Variants in INSL6 observed in about 807,000 individuals in gnomAD.
INSL6 encodes the protein insulin-like peptide INSL6.
Under a neutral mutation model 9.4 loss-of-function variants are expected in INSL6, and 16 were observed. The observed-to-expected ratio is 1.70, with a 90% CI of 1.15 to 2.59. The LOEUF (loss-of-function observed/expected upper bound fraction) is 2.59. Ranked by LOEUF, INSL6 falls within the 30% of genes most tolerant of loss-of-function variation. The pLI, the probability that INSL6 is intolerant of heterozygous loss-of-function variation, is 0.00. For synonymous variants in INSL6, 154 were observed against 96.9 expected (o/e 1.59, Z -3.46); for missense variants, 391 against 257.3 (o/e 1.52, Z -3.56).
chr9:5,113,393 T>C, the INSL6 span, among the ~76,000 whole-genome samples: 2 of 148,706 alleles, frequency 1.3e-5, no homozygotes, highest in East Asian at 3.9e-4. Flanking sequence ...CGTAATTTTT[T>C]TTAAGGAAAA....
At chr9:5,180,950 CA>C (rs1255271671) in intron 1 of INSL6, among the ~76,000 whole-genome samples, 2 of 152,130 alleles carry the variant, frequency 1.3e-5, no homozygotes, top group Admixed American at 6.5e-5. Flanking sequence ...AAACTCTTAA[CA>C]AAAAACTTGA....
the INSL6 span, chr9:5,081,599 T>C: frequency 7.9e-6 from 5 of 635,690 alleles, no homozygotes; most frequent in Non-Finnish European, 1.1e-5. Context: ...TTGAAACTAT[T>C]TGAGTTTCCC....
At chr9:5,137,409 T>A (rs574911566) in intron 2 of INSL6, among the ~76,000 whole-genome samples, 1 of 152,306 alleles carries the variant, frequency 6.6e-6, no homozygotes, top group South Asian at 2.1e-4. Flanking sequence ...ATGGTATTGG[T>A]ATCAAAACAG....
At chr9:5,145,317 G>T (rs1824580744) in intron 2 of INSL6, among the ~76,000 whole-genome samples, 1 of 152,156 alleles carries the variant, frequency 6.6e-6, no homozygotes, top group African/African-American at 2.4e-5. Flanking sequence ...GGTTTCCACT[G>T]AGAGGTCCAC....
At chr9:5,047,413 T>C in the INSL6 span, among the ~76,000 whole-genome samples, 1 of 152,344 alleles carries the variant, frequency 6.6e-6, no homozygotes, top group African/African-American at 2.4e-5. Flanking sequence ...CAGTTTCCTC[T>C]GGGAATTAAT....
At chr9:5,026,165 C>A in the INSL6 span, among the ~76,000 whole-genome samples, 1 of 152,118 alleles carries the variant, frequency 6.6e-6, no homozygotes, top group African/African-American at 2.4e-5. Context: ...ATACTTAGAT[C>A]ATTTGCTCTT....
At chr9:5,102,115 C>T in the INSL6 span, among the ~76,000 whole-genome samples, 3 of 152,132 alleles carry the variant, frequency 2.0e-5, no homozygotes, top group South Asian at 6.2e-4. Flanking sequence ...GATGTTCAAA[C>T]CCATCGCAAG....
chr9:5,177,317 G>A (rs576057534), intron 1 of INSL6, among the ~76,000 whole-genome samples: 3 of 152,318 alleles, frequency 2.0e-5, no homozygotes, highest in Non-Finnish European at 2.9e-5. Flanking sequence ...GGAAAGTGGT[G>A]AGTGATTGTG....
At chr9:5,143,186 G>C (rs1411890076) in intron 2 of INSL6, among the ~76,000 whole-genome samples, 17 of 151,862 alleles carry the variant, frequency 1.1e-4, no homozygotes, top group Admixed American at 1.0e-3. Flanking sequence ...TTGGTATCAG[G>C]ATGATGCTGA....
chr9:5,114,418 G>A, the INSL6 span: 8 of 499,042 alleles, frequency 1.6e-5, no homozygotes, highest in South Asian at 1.4e-4. Flanking sequence ...TGGATCAAGG[G>A]GGAGACCTAC....
At chr9:5,069,730 T>G in the INSL6 span, among the ~76,000 whole-genome samples, 4 of 152,160 alleles carry the variant, frequency 2.6e-5, no homozygotes, top group African/African-American at 9.6e-5. Flanking sequence ...TAATTTTGAA[T>G]GTATGAAGTA....
chr9:5,146,334 G>A (rs994093178), intron 2 of INSL6, among the ~76,000 whole-genome samples: 1 of 152,148 alleles, frequency 6.6e-6, no homozygotes, highest in East Asian at 1.9e-4. Context: ...ACCAAGGTGT[G>A]GCAGCTGCAT....
intron 2 of INSL6, among the ~76,000 whole-genome samples, chr9:5,147,328 G>C (rs1484630729): frequency 6.6e-6 from 1 of 152,166 alleles, no homozygotes; most frequent in Non-Finnish European, 1.5e-5. Context: ...TCCTTGGGTC[G>C]ACTGCAGCTT....
the INSL6 span, among the ~76,000 whole-genome samples, chr9:5,088,786 T>C: frequency 2.0e-5 from 3 of 152,224 alleles, no homozygotes; most frequent in Non-Finnish European, 4.4e-5. Flanking sequence ...GAGAGATTGC[T>C]CTAATGTCTC....
At chr9:5,042,619 G>C in the INSL6 span, among the ~76,000 whole-genome samples, 1 of 118,092 alleles carries the variant, frequency 8.5e-6, no homozygotes, top group Non-Finnish European at 1.7e-5. Flanking sequence ...AGCTGCCCCC[G>C]TTAGCGTCAT....
chr9:5,152,696 G>C (rs1481251593), intron 2 of INSL6, among the ~76,000 whole-genome samples: 3 of 152,132 alleles, frequency 2.0e-5, no homozygotes, highest in African/African-American at 7.2e-5. Flanking sequence ...ACGAGAAAAA[G>C]GAAATGGAGA....
At chr9:5,040,716 C>T in the INSL6 span, among the ~76,000 whole-genome samples, 1 of 152,252 alleles carries the variant, frequency 6.6e-6, no homozygotes, top group Non-Finnish European at 1.5e-5. Context: ...AAAAGATGCC[C>T]AACAGGTGGG....
intron 2 of INSL6, among the ~76,000 whole-genome samples, chr9:5,135,702 A>T (rs1172007948): frequency 6.6e-6 from 1 of 152,208 alleles, no homozygotes; most frequent in Non-Finnish European, 1.5e-5. Flanking sequence ...CTAACATCAC[A>T]ATTAAAAGAA....
chr9:5,131,274 T>A (rs1487970500), intron 3 of INSL6, among the ~76,000 whole-genome samples: 2 of 152,178 alleles, frequency 1.3e-5, no homozygotes, highest in African/African-American at 4.8e-5. Flanking sequence ...TTGGCTATCC[T>A]AAATTTTAAG....
Sources: allele counts gnomAD v4.1 joint callset (sites outside exome capture counted in the v4.1 genomes callset), GRCh38; gene constraint gnomAD v4.1.1; transcripts MANE v1.5; gene names NCBI Gene and HGNC (gene_info 2026-07-23, HGNC 2026-07-21).